Variants in SYNDIG1L observed in about 807,000 individuals in gnomAD.
The protein encoded by SYNDIG1L is synapse differentiation-inducing gene protein 1-like.
In SYNDIG1L, 13 loss-of-function variants were observed where a neutral mutation model predicts 20.1. That is an observed-to-expected ratio of 0.65 (90% CI 0.42 to 1.03). SYNDIG1L has a LOEUF of 1.03. SYNDIG1L is among the 50% of genes least tolerant of loss of function. SYNDIG1L has a pLI of 0.00. For synonymous variants in SYNDIG1L, 128 were observed against 129.3 expected, an observed-to-expected ratio of 0.99 and a Z score of 0.07; for missense variants, 294 against 305.1, an observed-to-expected ratio of 0.96 and a Z score of 0.27.
intron 1 of SYNDIG1L, among the ~76,000 whole-genome samples, chr14:74,421,706 C>T (rs111466987): frequency 4.6e-5 from 7 of 151,770 alleles, no homozygotes; most frequent in Admixed American, 1.3e-4. Flanking sequence ...GTGTTCAGGG[C>T]GGGAAAGAGA....
the SYNDIG1L span, among the ~76,000 whole-genome samples, chr14:74,464,673 A>G: frequency 6.6e-6 from 1 of 152,138 alleles, no homozygotes; most frequent in East Asian, 1.9e-4. Flanking sequence ...CTGCTCAGCC[A>G]CTTATTAGCA....
At chr14:74,471,903 G>T in the SYNDIG1L span, 1 of 151,620 alleles carries the variant, frequency 6.6e-6, no homozygotes, top group African/African-American at 2.4e-5. Context: ...AAGTCATAGC[G>T]TTAACATATT....
At chr14:74,467,032 G>T in the SYNDIG1L span, among the ~76,000 whole-genome samples, 1 of 152,206 alleles carries the variant, frequency 6.6e-6, no homozygotes, top group Non-Finnish European at 1.5e-5. Flanking sequence ...ATGTTTCCAG[G>T]TTACTGGCTT....
chr14:74,413,615 C>T (rs1306355963), intron 1 of SYNDIG1L, among the ~76,000 whole-genome samples: 1 of 150,078 alleles, frequency 6.7e-6, no homozygotes, highest in East Asian at 1.9e-4. Context: ...TTTTTTTTTA[C>T]AATGAGCATG....
chr14:74,425,498 C>T (rs2086257183), intron 1 of SYNDIG1L, among the ~76,000 whole-genome samples: 1 of 152,210 alleles, frequency 6.6e-6, no homozygotes, highest in Admixed American at 6.5e-5. Flanking sequence ...ACCTCAGTCA[C>T]CTGGGTGAAC....
At chr14:74,415,104 G>T (rs1471466224) in intron 1 of SYNDIG1L, among the ~76,000 whole-genome samples, 1 of 152,078 alleles carries the variant, frequency 6.6e-6, no homozygotes, top group Non-Finnish European at 1.5e-5. Flanking sequence ...AAGGAGGAGG[G>T]CCCCCAATAA....
At chr14:74,417,254 T>C (rs544595137) in intron 1 of SYNDIG1L, among the ~76,000 whole-genome samples, 2 of 152,104 alleles carry the variant, frequency 1.3e-5, no homozygotes, top group African/African-American at 4.8e-5. Context: ...AGACCAGAGG[T>C]CCTGGCAAAG....
At chr14:74,466,368 G>C in the SYNDIG1L span, among the ~76,000 whole-genome samples, 1 of 152,174 alleles carries the variant, frequency 6.6e-6, no homozygotes. Flanking sequence ...ATGGATAAAT[G>C]GATGCATCCA....
chr14:74,457,493 A>G, the SYNDIG1L span, among the ~76,000 whole-genome samples: 1,658 of 151,366 alleles, frequency 0.011, 37 homozygotes, highest in African/African-American at 0.039. Flanking sequence ...CTGCGGCCAC[A>G]TTTCCTCCTC....
At chr14:74,435,082 C>CAAAA in the SYNDIG1L span, among the ~76,000 whole-genome samples, 4 of 54,980 alleles carry the variant, frequency 7.3e-5, no homozygotes, top group Non-Finnish European at 9.7e-5. Context: ...GACTCCGTCT[C>CAAAA]AAAAAAAAAA....
the SYNDIG1L span, among the ~76,000 whole-genome samples, chr14:74,458,398 C>T: frequency 6.6e-6 from 1 of 151,798 alleles, no homozygotes; most frequent in Non-Finnish European, 1.5e-5. Context: ...GGGTGGATCA[C>T]CTGAGCTCAG....
the SYNDIG1L span, among the ~76,000 whole-genome samples, chr14:74,445,641 AT>A: frequency 6.6e-6 from 1 of 151,882 alleles, no homozygotes. Flanking sequence ...TGCCTGGCTA[AT>A]TTTTTTGTAC....
At chr14:74,436,407 A>T in the SYNDIG1L span, among the ~76,000 whole-genome samples, 1 of 151,854 alleles carries the variant, frequency 6.6e-6, no homozygotes, top group Non-Finnish European at 1.5e-5. Flanking sequence ...TTATTTATTT[A>T]TTATTTATTT....
chr14:74,421,805 C>A (rs989821388), intron 1 of SYNDIG1L, among the ~76,000 whole-genome samples: 2 of 152,142 alleles, frequency 1.3e-5, no homozygotes, highest in African/African-American at 4.8e-5. Context: ...GATGGGGGAA[C>A]CTGGGAAAGA....
intron 1 of SYNDIG1L, among the ~76,000 whole-genome samples, chr14:74,419,932 C>T (rs1322314918): frequency 6.6e-6 from 1 of 151,960 alleles, no homozygotes; most frequent in Admixed American, 6.5e-5. Flanking sequence ...GTGGGAAGGC[C>T]TCCCATGCCA....
rs750569480 is a variant in SYNDIG1L, at chr14:74,407,643, G to A, written c.609C>T (p.Ser203=). The A allele has an allele frequency of 1.2e-6, 2 of 1,613,728 alleles. No individual in the cohort carries two copies. Among genetic ancestry groups the A allele is most frequent in the Admixed American group, 1.7e-5 (1 of 59,956 alleles). ...GTGTGGCTAGGAAGAGGGCCCGGCG[G>A]GAGGTGGTGCTGGCCAGGCGGAAGT... is the stretch of plus-strand genomic sequence containing the variant. The part of the protein sequence containing the change: ...KGDFRLASTT[S]RRALFLATLA... Residue 203 remains serine (S), a synonymous_variant, in exon 4 of 4, where the codon TCC becomes TCT. Coordinates refer to ENST00000331628, the MANE Select transcript of SYNDIG1L (RefSeq NM_001105579.2).
chr14:74,418,953 C>A, intron 1 of SYNDIG1L, among the ~76,000 whole-genome samples: 1 of 152,288 alleles, frequency 6.6e-6, no homozygotes, highest in East Asian at 1.9e-4. Context: ...CCTCCGAAGT[C>A]GTGAAGTATA....
chr14:74,437,000 T>C, the SYNDIG1L span, among the ~76,000 whole-genome samples: 1 of 152,160 alleles, frequency 6.6e-6, no homozygotes, highest in Non-Finnish European at 1.5e-5. Flanking sequence ...TACTTTTACA[T>C]CATACTTGTC....
the SYNDIG1L span, among the ~76,000 whole-genome samples, chr14:74,434,764 T>C: frequency 6.6e-6 from 1 of 152,060 alleles, no homozygotes; most frequent in East Asian, 1.9e-4. Flanking sequence ...AACCATTTTC[T>C]TCAGTTAAAC....
Sources: allele counts gnomAD v4.1 joint callset (sites outside exome capture counted in the v4.1 genomes callset), GRCh38; gene constraint gnomAD v4.1.1; transcripts MANE v1.5; gene names NCBI Gene and HGNC (gene_info 2026-07-23, HGNC 2026-07-21).